SYN3: variants seen among roughly 807,000 people sequenced by gnomAD.
SYN3 encodes the protein synapsin III.
SYN3 carries 35 observed loss-of-function variants against 65.8 expected under a neutral mutation model. The observed-to-expected ratio is 0.53, with a 90% CI of 0.41 to 0.70. The LOEUF is 0.70. SYN3 is among the 30% of genes least tolerant of loss of function. The pLI, the probability that SYN3 is intolerant of heterozygous loss-of-function variation, is 0.00. For synonymous variants in SYN3, 270 were observed against 292.9 expected (o/e 0.92, Z 0.80); for missense variants, 680 against 749.0 (o/e 0.91, Z 1.08).
chr22:32,952,495 G>A (rs1285091708), intron 3 of SYN3, among the ~76,000 whole-genome samples: 1 of 152,096 alleles, frequency 6.6e-6, no homozygotes, highest in Non-Finnish European at 1.5e-5. Context: ...TGGCTCACAC[G>A]TGTAACTTCA....
chr22:32,650,151 C>G (rs768057036), intron 6 of SYN3, among the ~76,000 whole-genome samples: 17 of 151,984 alleles, frequency 1.1e-4, no homozygotes, highest in Non-Finnish European at 2.2e-4. Flanking sequence ...GTTATGACAA[C>G]GGCCAGCATT....
chr22:33,057,291 T>G (rs2054269512), intron 1 of SYN3, among the ~76,000 whole-genome samples: 1 of 152,220 alleles, frequency 6.6e-6, no homozygotes, highest in Non-Finnish European at 1.5e-5. Flanking sequence ...GGCTGCACTT[T>G]AAGGTCTGTG....
At chr22:32,679,693 C>G (rs983145667) in intron 6 of SYN3, among the ~76,000 whole-genome samples, 3 of 152,056 alleles carry the variant, frequency 2.0e-5, no homozygotes, top group Non-Finnish European at 2.9e-5. Context: ...GGTGATATCT[C>G]AGTGTGGTTT....
At chr22:32,715,778 CAAAA>C (rs765122891) in intron 6 of SYN3, among the ~76,000 whole-genome samples, 5 of 67,610 alleles carry the variant, frequency 7.4e-5, no homozygotes, top group East Asian at 3.9e-4. Context: ...GACTCTGTCT[CAAAA>C]AAAAAAAAAA....
chr22:32,721,244 G>C (rs1007424227), intron 6 of SYN3, among the ~76,000 whole-genome samples: 1 of 152,198 alleles, frequency 6.6e-6, no homozygotes, highest in Admixed American at 6.5e-5. Context: ...CACCTCCCCT[G>C]GTGCAGCCAT....
intron 7 of SYN3, among the ~76,000 whole-genome samples, chr22:32,554,696 G>A (rs1350893781): frequency 1.3e-5 from 2 of 152,156 alleles, no homozygotes; most frequent in Non-Finnish European, 2.9e-5. Context: ...AGACACAGCA[G>A]TAAGAACTAG....
chr22:32,536,039 C>T (rs534455093), intron 9 of SYN3, among the ~76,000 whole-genome samples: 5 of 152,232 alleles, frequency 3.3e-5, no homozygotes, highest in Non-Finnish European at 5.9e-5. Context: ...CCCACTCCCA[C>T]GTTAGGTTCC....
intron 4 of SYN3, among the ~76,000 whole-genome samples, chr22:32,888,881 C>A (rs545188346): frequency 7.3e-4 from 111 of 152,310 alleles, no homozygotes; most frequent in African/African-American, 2.5e-3. Flanking sequence ...TGGTCTCAAG[C>A]ATTTCAGATG....
At chr22:32,568,233 C>T (rs111522616) in intron 7 of SYN3, among the ~76,000 whole-genome samples, 3,437 of 152,262 alleles carry the variant, frequency 0.023, 116 homozygotes, top group African/African-American at 0.077. Context: ...GCTCCTCTAC[C>T]TAATTCCTAC....
Position 32,724,417 on chromosome 22 carries a change from T to C in SYN3, c.712-127681A>G, listed in dbSNP as rs546373597. ...AAATTCCAGGTCAGAAGACCAGAGT[T>C]CAACAAAGACTCTGCCTATTCCCAG... is the stretch of plus-strand genomic sequence containing the variant. On this transcript the variant is annotated intron_variant, in intron 6 of 13. Coordinates refer to ENST00000358763, the MANE Select transcript of SYN3 (RefSeq NM_003490.4). 2.0e-3 allele frequency among the ~76,000 whole-genome samples: 298 copies of C among 152,214 alleles called. 2 individuals are homozygous for C. The highest frequency in any genetic ancestry group is 6.9e-3 in the African/African-American group (288 of 41,540).
At chr22:32,851,353 T>C (rs1007250369) in intron 6 of SYN3, among the ~76,000 whole-genome samples, 21 of 152,142 alleles carry the variant, frequency 1.4e-4, no homozygotes, top group Non-Finnish European at 2.8e-4. Context: ...CATCAGGGCC[T>C]GGAGACCAGG....
chr22:32,946,984 G>A (rs2051132828), intron 3 of SYN3, among the ~76,000 whole-genome samples: 1 of 152,124 alleles, frequency 6.6e-6, no homozygotes, highest in South Asian at 2.1e-4. Flanking sequence ...ATAACTGAAC[G>A]TACTGGACTA....
rs186062315 is a variant in SYN3 at position 32,726,539 on chromosome 22, G to C, written c.712-129803C>G. On this transcript the variant is annotated intron_variant, in intron 6 of 13. Coordinates refer to ENST00000358763, the MANE Select transcript of SYN3 (RefSeq NM_003490.4). The stretch of plus-strand genomic sequence containing the variant: ...CCACAAAATGTGGCATTGTGATCTG[G>C]CTGTTGATGACAACAGCTCTCGTCT... Among the ~76,000 whole-genome samples, 7 of 152,302 alleles carry C rather than the reference G, an allele frequency of 4.6e-5. No homozygotes were observed. The East Asian group carries it at 1.3e-3, about 29-fold the overall frequency.
At chr22:32,617,720 T>A (rs896213675) in intron 6 of SYN3, among the ~76,000 whole-genome samples, 14 of 152,062 alleles carry the variant, frequency 9.2e-5, no homozygotes, top group Middle Eastern at 6.8e-3. Context: ...ACCATTAGAT[T>A]CTCATTTAAG....
chr22:32,939,545 A>AT (rs2050877620), intron 3 of SYN3, among the ~76,000 whole-genome samples: 2 of 152,160 alleles, frequency 1.3e-5, no homozygotes. Context: ...CCATGATGCT[A>AT]CCATTTTAAT....
chr22:32,980,561 G>T (rs2052340671), intron 3 of SYN3, 84 bp downstream of exon 3: 2 of 1,267,012 alleles, frequency 1.6e-6, no homozygotes, highest in Non-Finnish European at 2.3e-6. Context: ...GACCACATAA[G>T]ATGGGGACCA....
At chr22:33,019,934 G>A (rs771633888) in intron 1 of SYN3, among the ~76,000 whole-genome samples, 4 of 152,222 alleles carry the variant, frequency 2.6e-5, no homozygotes, top group Non-Finnish European at 2.9e-5. Flanking sequence ...CTACTGGGAA[G>A]ATCAAATGAA....
chr22:32,724,657 T>G lies in SYN3; in HGVS notation c.712-127921A>C, dbSNP rs192044606. Among the ~76,000 whole-genome samples the G allele has an allele frequency of 1.9e-3, 285 of 152,280 alleles. 2 individuals are homozygous for G. Among genetic ancestry groups the G allele is most frequent in the Admixed American group, 6.1e-3 (94 of 15,300 alleles). On this transcript the variant is annotated intron_variant, in intron 6 of 13. Transcript: ENST00000358763. ...TTTTTTTCATGTATTAAATGCCCAG[T>G]AAGTGACAGCCACATTGTCACAAAG... is the stretch of plus-strand genomic sequence containing the variant.
intron 6 of SYN3, among the ~76,000 whole-genome samples, chr22:32,701,272 C>T (rs2060806788): frequency 6.6e-6 from 1 of 152,096 alleles, no homozygotes; most frequent in South Asian, 2.1e-4. Flanking sequence ...CAGAAACTGC[C>T]CTCCCACTGA....
Sources: gnomAD v4.1 joint callset for allele counts (sites outside exome capture counted in the v4.1 genomes callset) on GRCh38, gnomAD v4.1.1 for gene constraint, MANE v1.5 for transcripts, NCBI Gene and HGNC (gene_info 2026-07-23, HGNC 2026-07-21) for gene names.